Variants in HTR7 observed in about 807,000 individuals in gnomAD.
HTR7 encodes the protein 5-hydroxytryptamine receptor 7.
A neutral mutation model predicts 34.0 loss-of-function variants in HTR7; 16 were observed. The ratio of observed to expected loss-of-function variants is 0.47; its 90% CI spans 0.32 to 0.71. The LOEUF (loss-of-function observed/expected upper bound fraction) is 0.71. HTR7 is among the 30% of genes least tolerant of loss of function. The pLI is 0.04. For missense variants in HTR7, 504 were observed against 625.5 expected, an observed-to-expected ratio of 0.81 and a Z score of 2.07; for synonymous variants, 265 against 260.2, an observed-to-expected ratio of 1.02 and a Z score of -0.18.
chr10:90,836,568 G>A (rs982349749), intron 1 of HTR7, among the ~76,000 whole-genome samples: 1 of 152,154 alleles, frequency 6.6e-6, no homozygotes, highest in Non-Finnish European at 1.5e-5. Context: ...CTGGAGTACA[G>A]TGGTATGACA....
chr10:90,765,231 T>G (rs1304798262), intron 1 of HTR7, among the ~76,000 whole-genome samples: 1 of 152,144 alleles, frequency 6.6e-6, no homozygotes, highest in Non-Finnish European at 1.5e-5. Context: ...TGTTCAGATT[T>G]TCTCTTTCTT....
At chr10:90,797,471 T>C (rs1406490918) in intron 1 of HTR7, among the ~76,000 whole-genome samples, 1 of 152,214 alleles carries the variant, frequency 6.6e-6, no homozygotes, top group African/African-American at 2.4e-5. Context: ...TGAAAAACTA[T>C]TCTAAGAACA....
chr10:90,806,743 G>GAA (rs1256608383), intron 1 of HTR7, among the ~76,000 whole-genome samples: 3 of 152,126 alleles, frequency 2.0e-5, no homozygotes, highest in African/African-American at 7.2e-5. Flanking sequence ...AACTAATAAG[G>GAA]AAAAAGAGAA....
At chr10:90,770,921 G>A (rs1032746461) in intron 1 of HTR7, among the ~76,000 whole-genome samples, 7 of 152,176 alleles carry the variant, frequency 4.6e-5, no homozygotes, top group Non-Finnish European at 1.0e-4. Flanking sequence ...AACTTGTGGT[G>A]CCTTTTTCAG....
rs568583211 is a variant in HTR7, at chr10:90,857,569, C to T, written c.103G>A (p.Gly35Ser). The change falls in exon 1 of 4, where the codon GGT becomes AGT. Residue 35 changes from glycine (G) to serine (S), a missense_variant. Gly to Ser is a moderately conservative substitution (Grantham distance 56, BLOSUM62 0). Transcript: ENST00000336152. This position sits in a 1 kb window ranked among gnomAD's most constrained non-coding sequence, Gnocchi z 6.5. ...GRGLPDLSPD[G>S]GADPVAGSWA... ...GAGCCCGCGACCGGGTCGGCGCCAC[C>T]GTCGGGGCTCAAGTCGGGCAGCCCG... The T allele has an allele frequency of 1.9e-6, 3 of 1,595,212 alleles. No homozygotes were observed. The highest frequency in any genetic ancestry group is 1.9e-4 in the Middle Eastern group (1 of 5,300).
intron 1 of HTR7, among the ~76,000 whole-genome samples, chr10:90,775,743 G>A (rs937249068): frequency 6.6e-6 from 1 of 152,154 alleles, no homozygotes; most frequent in Non-Finnish European, 1.5e-5. Context: ...AAGAATTTGT[G>A]ACAGCTTTTC....
At chr10:90,808,594 T>C (rs970228204) in intron 1 of HTR7, among the ~76,000 whole-genome samples, 25 of 152,090 alleles carry the variant, frequency 1.6e-4, no homozygotes, top group African/African-American at 4.6e-4. Context: ...CCCGACCTTG[T>C]ATCTCTGCGC....
At chr10:90,849,472 CATGGAGTAAACCCG>C (rs1846461877) in intron 1 of HTR7, among the ~76,000 whole-genome samples, 1 of 151,806 alleles carries the variant, frequency 6.6e-6, no homozygotes, top group East Asian at 1.9e-4. Flanking sequence ...GGTGAGTTTT[CATGGAGTAAACCCG>C]ATGCAGGAAA....
chr10:90,806,729 T>A (rs918924318), intron 1 of HTR7, among the ~76,000 whole-genome samples: 3 of 152,110 alleles, frequency 2.0e-5, no homozygotes, highest in Non-Finnish European at 4.4e-5. Context: ...CATGAGGAAA[T>A]GCAAACTAAT....
In HTR7 at chr10:90,808,201, G is replaced by A. The variant is rs184334954; in HGVS notation, c.539+48932C>T. Among the ~76,000 whole-genome samples the A allele has an allele frequency of 2.0e-3, 301 of 152,098 alleles. 2 individuals are homozygous for A. The highest frequency in any genetic ancestry group is 3.8e-3 in the Non-Finnish European group (256 of 67,972). On this transcript the variant is annotated intron_variant, in intron 1 of 3. Transcript: ENST00000336152. ...TAGCGGCAAGTCCCACTTTTCTGGG[G>A]GGGGCAAGTACCCCAACCCCTTCTC...
chr10:90,796,267 T>C (rs1458866001), intron 1 of HTR7, among the ~76,000 whole-genome samples: 4 of 152,226 alleles, frequency 2.6e-5, no homozygotes, highest in Non-Finnish European at 5.9e-5. Flanking sequence ...TGCAAGATAC[T>C]GTCACAACTA....
intron 3 of HTR7, 44 bp downstream of exon 3, chr10:90,743,549 G>T: frequency 6.9e-7 from 1 of 1,449,908 alleles, no homozygotes; most frequent in South Asian, 1.1e-5. Flanking sequence ...AATTCCTCCA[G>T]ACCACAGCAC....
chr10:90,846,708 T>C (rs1047641305), intron 1 of HTR7, among the ~76,000 whole-genome samples: 13 of 152,352 alleles, frequency 8.5e-5, no homozygotes, highest in Admixed American at 7.8e-4. Context: ...ATAATACTTC[T>C]ACTAACATCT....
At chr10:90,798,232 T>C (rs1845571802) in intron 1 of HTR7, among the ~76,000 whole-genome samples, 1 of 152,228 alleles carries the variant, frequency 6.6e-6, no homozygotes, top group Admixed American at 6.5e-5. Flanking sequence ...CAAAAGCTAA[T>C]ACTATCTTCA....
Position 90,742,011 on chromosome 10 carries a change from G to A in HTR7, c.*471C>T, listed in dbSNP as rs1844556699. 1 of 152,864 alleles carries A rather than the reference G, an allele frequency of 6.5e-6. No individual in the cohort carries two copies. Among genetic ancestry groups the A allele is most frequent in the Non-Finnish European group, 1.5e-5 (1 of 68,232 alleles). 9.5% of individuals were successfully genotyped at this position (152,864 alleles called of 1,614,324 possible). A position where few individuals can be genotyped will look rare whatever the true frequency, so the allele number is the denominator to read the frequency against. On this transcript the variant is annotated 3_prime_UTR_variant, in exon 4 of 4. Coordinates refer to ENST00000336152, the MANE Select transcript of HTR7 (RefSeq NM_019859.4). The stretch of plus-strand genomic sequence containing the variant: ...TGACTGGATTCTGTTTTCTAACATG[G>A]ACATGCAACATATTCAACACTACGC...
At position 90,857,414 on chromosome 10, in the gene HTR7, G is replaced by A; in HGVS notation, c.258C>T (p.Ser86=). ...YGRVEKVVIG[S]ILTLITLLTI... is the part of the protein sequence containing the mutation. ...TCAGCAGCGTGATGAGCGTCAGGAT[G>A]GAGCCGATCACAACTTTCTCGACTC... Residue 86 remains serine, a synonymous_variant, in exon 1 of 4, where the codon TCC becomes TCT. Transcript: ENST00000336152. This position sits in a 1 kb window ranked among gnomAD's most constrained non-coding sequence, Gnocchi z 6.5. The A allele has an allele frequency of 4.3e-6, 7 of 1,614,058 alleles. No individual in the cohort carries two copies. The highest frequency in any genetic ancestry group is 5.9e-6 in the Non-Finnish European group (7 of 1,180,024).
intron 2 of HTR7, among the ~76,000 whole-genome samples, chr10:90,744,280 A>C (rs545781451): frequency 4.7e-5 from 7 of 149,908 alleles, no homozygotes; most frequent in African/African-American, 1.7e-4. Context: ...CTAGATTAAA[A>C]GCTTCCAGAG....
intron 1 of HTR7, among the ~76,000 whole-genome samples, chr10:90,837,723 T>C (rs989932458): frequency 6.6e-6 from 1 of 152,238 alleles, no homozygotes; most frequent in Admixed American, 6.5e-5. Context: ...ACATCTGGGC[T>C]GGAATCCAGG....
rs561986461 is a variant in HTR7, at chr10:90,744,390, G to A, written c.1296-700C>T. On this transcript the variant is annotated intron_variant, in intron 2 of 3. Transcript: ENST00000336152. ...ATGTTTCTGGGAAAAACAAGCCAAT[G>A]AAGAGACTCCTTACATCCATTTTCT... is the stretch of plus-strand genomic sequence containing the variant. Among the ~76,000 whole-genome samples the A allele has an allele frequency of 4.0e-5, 6 of 151,756 alleles. No homozygotes were observed. In the South Asian group the frequency reaches 1.3e-3, roughly 32 times the overall value.
Sources: allele counts gnomAD v4.1 joint callset (sites outside exome capture counted in the v4.1 genomes callset), GRCh38; gene constraint gnomAD v4.1.1; non-coding constraint Gnocchi (gnomAD v3.1); transcripts MANE v1.5; gene names NCBI Gene and HGNC (gene_info 2026-07-23, HGNC 2026-07-21).